CARMIL1: variants seen among roughly 807,000 people sequenced by gnomAD.
CARMIL1 encodes capping protein regulator and myosin 1 linker 1, also known as F-actin-uncapping protein LRRC16A.
In CARMIL1, 90 loss-of-function variants were observed where a neutral mutation model predicts 177.1. The ratio of observed to expected loss-of-function variants is 0.51; its 90% CI spans 0.43 to 0.61. The LOEUF (loss-of-function observed/expected upper bound fraction) is 0.61, where lower values mean the gene tolerates loss of function less well. Among genes scored for constraint, CARMIL1 ranks in the 20% least tolerant of loss-of-function variants. CARMIL1 has a pLI of 0.00. For missense variants in CARMIL1, 1,380 were observed against 1,667.0 expected (o/e 0.83, Z 3.00); for synonymous variants, 577 against 606.2 (o/e 0.95, Z 0.71).
chr6:25,484,142 G>C (rs955718959), intron 12 of CARMIL1, among the ~76,000 whole-genome samples: 1 of 152,140 alleles, frequency 6.6e-6, no homozygotes, highest in Non-Finnish European at 1.5e-5. Context: ...CTTTCTCTGT[G>C]TTCCTTAGCC....
chr6:25,492,038 T>G lies in CARMIL1; in HGVS notation c.1220+14T>G, dbSNP rs1237671835. 5 of 1,607,580 alleles carry G rather than the reference T, an allele frequency of 3.1e-6. No homozygotes were observed. On this transcript the variant is annotated intron_variant, in intron 15 of 36. Transcript: ENST00000329474. Reference sequence around the variant, plus strand: ...CTTCTCTCACCGGTATAGATTTATTTCTGCTCTCATTGTCATCTGGAAGTG... The same window carrying G: ...CTTCTCTCACCGGTATAGATTTATTGCTGCTCTCATTGTCATCTGGAAGTG...
chr6:25,407,400 C>T (rs183415449), intron 2 of CARMIL1, among the ~76,000 whole-genome samples: 96 of 117,866 alleles, frequency 8.1e-4, no homozygotes, highest in Non-Finnish European at 1.4e-3. Context: ...CACGAAGGGA[C>T]GGGCATTTAT....
At position 25,577,449 on chromosome 6, in the gene CARMIL1, A is replaced by T. The variant is rs934378656; in HGVS notation, c.2743-3475A>T. Among the ~76,000 whole-genome samples, 3 of 148,606 alleles carry T rather than the reference A, an allele frequency of 2.0e-5. No homozygotes were observed. The highest frequency in any genetic ancestry group is 4.5e-5 in the Non-Finnish European group (3 of 66,930). ...AATCTTCTTCTCAGCTGGTATTGTT[A>T]TTTTTTTTTTCTTTCTACAGCCTTG... On this transcript the variant is annotated intron_variant, in intron 29 of 36. Transcript: ENST00000329474. The surrounding 1 kb of genome is among the most constrained non-coding windows in gnomAD (Gnocchi z 4.5).
At chr6:25,555,015 C>G (rs2151176206) in intron 28 of CARMIL1, among the ~76,000 whole-genome samples, 1 of 152,286 alleles carries the variant, frequency 6.6e-6, no homozygotes, top group East Asian at 1.9e-4. Context: ...ACAGATATCT[C>G]TAATAGCACA....
intron 2 of CARMIL1, among the ~76,000 whole-genome samples, chr6:25,374,525 A>G (rs891038016): frequency 6.6e-6 from 1 of 152,292 alleles, no homozygotes; most frequent in South Asian, 2.1e-4. Flanking sequence ...ATATTCTGTG[A>G]CTATATTAGG....
intron 36 of CARMIL1, 91 bp downstream of exon 36, chr6:25,610,272 T>C: frequency 7.3e-7 from 1 of 1,363,136 alleles, no homozygotes; most frequent in Non-Finnish European, 9.6e-7. Context: ...ACTTTACTAA[T>C]ATCTTAGAGT....
At position 25,600,413 on chromosome 6, in the gene CARMIL1, A is replaced by G. The variant is rs776149521; in HGVS notation, c.3219A>G (p.Leu1073=). ...GGAAAAGTAGTGGCTTTCTCAATTTAATCAAATCCCGGTCCAAATCCGAGC... is the reference window on the plus strand; with the variant it reads ...GGAAAAGTAGTGGCTTTCTCAATTTGATCAAATCCCGGTCCAAATCCGAGC... ...DSRKSSGFLN[L]IKSRSKSERP... The change falls in exon 33 of 37, where the codon TTA becomes TTG. Residue 1073 remains leucine, a synonymous_variant. Transcript: ENST00000329474. The G allele has an allele frequency of 1.2e-6, 2 of 1,613,886 alleles. No homozygotes were observed. Among genetic ancestry groups the G allele is most frequent in the Admixed American group, 1.7e-5 (1 of 60,006 alleles).
chr6:25,595,615 T>C (rs946483539), intron 32 of CARMIL1, among the ~76,000 whole-genome samples: 3 of 152,110 alleles, frequency 2.0e-5, no homozygotes, highest in Non-Finnish European at 4.4e-5. Context: ...CCCCCCCGAA[T>C]TAATTGCTTT....
intron 33 of CARMIL1, among the ~76,000 whole-genome samples, chr6:25,601,552 A>G (rs1815402531): frequency 6.6e-6 from 1 of 152,364 alleles, no homozygotes; most frequent in East Asian, 1.9e-4. Flanking sequence ...TTTCAAACCT[A>G]AAAATTATTC....
intron 2 of CARMIL1, among the ~76,000 whole-genome samples, chr6:25,315,102 T>G (rs1349940495): frequency 6.7e-6 from 1 of 149,114 alleles, no homozygotes; most frequent in African/African-American, 2.5e-5. Flanking sequence ...TATCTTCCTT[T>G]TACAGATGAA....
At chr6:25,441,528 C>T (rs1181433187) in intron 5 of CARMIL1, among the ~76,000 whole-genome samples, 1 of 151,932 alleles carries the variant, frequency 6.6e-6, no homozygotes, top group Non-Finnish European at 1.5e-5. Context: ...TTCTCTCTCC[C>T]TCTCTCCTTC....
At position 25,604,785 on chromosome 6, in the gene CARMIL1, T is replaced by G. The variant is rs1231072427; in HGVS notation, c.3553-27T>G. Reference sequence around the variant, plus strand: ...TTGCATTAAATAAATGTGCACTTTTTGGGGGGATGGTGCTTGAATTTTTTA... The same window carrying G: ...TTGCATTAAATAAATGTGCACTTTTGGGGGGGATGGTGCTTGAATTTTTTA... On this transcript the variant is annotated intron_variant, in intron 33 of 36. Transcript: ENST00000329474. 3.2e-6 allele frequency: 5 copies of G among 1,539,738 alleles called. No individual in the cohort carries two copies. In the East Asian group the frequency reaches 7.1e-5, roughly 22 times the overall value.
chr6:25,284,399 C>T (rs1781373125), intron 1 of CARMIL1, among the ~76,000 whole-genome samples: 1 of 152,168 alleles, frequency 6.6e-6, no homozygotes, highest in East Asian at 1.9e-4. Context: ...AACCATCCAA[C>T]TTGTTAAAAC....
chr6:25,563,999 G>T, intron 29 of CARMIL1: 1 of 351,138 alleles, frequency 2.8e-6, no homozygotes, highest in Non-Finnish European at 4.0e-6. Context: ...AATATATTTT[G>T]TATCATATTA....
At chr6:25,370,940 C>T (rs1790348092) in intron 2 of CARMIL1, among the ~76,000 whole-genome samples, 1 of 151,418 alleles carries the variant, frequency 6.6e-6, no homozygotes, top group African/African-American at 2.4e-5. Flanking sequence ...TCTGAGTCAC[C>T]AAAGTTCGCT....
At chr6:25,327,559 C>T (rs886292019) in intron 2 of CARMIL1, among the ~76,000 whole-genome samples, 7 of 152,204 alleles carry the variant, frequency 4.6e-5, no homozygotes, top group African/African-American at 7.2e-5. Context: ...GGCTCCCCTC[C>T]GGCTACTATT....
chr6:25,581,380 G>C lies in CARMIL1; in HGVS notation c.2947G>C (p.Glu983Gln). 6.2e-7 allele frequency: 1 copy of C among 1,613,528 alleles called. No individual in the cohort carries two copies. Among genetic ancestry groups the C allele is most frequent in the East Asian group, 2.2e-5 (1 of 44,856 alleles). Reference protein sequence around the residue: ...ELPSEEGKKLEHFTKLRPKRN... With the variant: ...ELPSEEGKKLQHFTKLRPKRN... ...GCCCTCTGAAGAGGGGAAGAAGCTGGAACACTTTACCAAGTTAAGGCCAAA... is the reference window on the plus strand; with the variant it reads ...GCCCTCTGAAGAGGGGAAGAAGCTGCAACACTTTACCAAGTTAAGGCCAAA... The change falls in exon 31 of 37, where the codon GAA becomes CAA. Residue 983 changes from glutamate (E) to glutamine (Q), a missense_variant. Transcript: ENST00000329474.
At chr6:25,334,329 G>T (rs890071442) in intron 2 of CARMIL1, among the ~76,000 whole-genome samples, 7 of 152,212 alleles carry the variant, frequency 4.6e-5, no homozygotes, top group Admixed American at 2.0e-4. Context: ...CTTAGAGAGA[G>T]TGAATGTATT....
At chr6:25,618,750 C>T (rs992746056) in intron 36 of CARMIL1, among the ~76,000 whole-genome samples, 3 of 152,216 alleles carry the variant, frequency 2.0e-5, no homozygotes, top group African/African-American at 7.2e-5. Context: ...GTGGATTCTT[C>T]ATATTTATGT....
Sources: gnomAD v4.1 joint callset for allele counts (sites outside exome capture counted in the v4.1 genomes callset) on GRCh38, gnomAD v4.1.1 for gene constraint, Gnocchi (gnomAD v3.1) non-coding constraint, MANE v1.5 for transcripts, NCBI Gene and HGNC (gene_info 2026-07-23, HGNC 2026-07-21) for gene names.